KSR2: variants seen among roughly 807,000 people sequenced by gnomAD.
KSR2 encodes the protein kinase suppressor of ras 2.
In KSR2, 25 loss-of-function variants were observed where a neutral mutation model predicts 107.8. The observed-to-expected ratio is 0.23, with a 90% CI of 0.17 to 0.32. KSR2 has a LOEUF of 0.32. Among genes scored for constraint, KSR2 ranks in the 10% least tolerant of loss-of-function variants. KSR2 has a pLI of 1.00. For missense variants in KSR2, 887 were observed against 1,268.9 expected (o/e 0.70, Z 4.57); for synonymous variants, 480 against 507.0 (o/e 0.95, Z 0.71).
intron 4 of KSR2, among the ~76,000 whole-genome samples, chr12:117,724,272 C>T (rs569173931): frequency 2.0e-5 from 3 of 146,686 alleles, no homozygotes; most frequent in African/African-American, 7.6e-5. Context: ...CGTGCCATTG[C>T]ACTCCAGCCT....
At chr12:117,480,771 C>G (rs565624562) in intron 16 of KSR2, among the ~76,000 whole-genome samples, 1 of 152,186 alleles carries the variant, frequency 6.6e-6, no homozygotes, top group Non-Finnish European at 1.5e-5. Context: ...GATAAGGAAA[C>G]GGAGGCTCAA....
chr12:117,700,725 T>C (rs1331635843), intron 4 of KSR2, among the ~76,000 whole-genome samples: 5 of 152,230 alleles, frequency 3.3e-5, no homozygotes, highest in Non-Finnish European at 4.4e-5. Context: ...AAGAAAGCCA[T>C]GTAATGAGGA....
At chr12:117,872,752 G>A (rs1049677977) in intron 1 of KSR2, among the ~76,000 whole-genome samples, 4 of 152,148 alleles carry the variant, frequency 2.6e-5, no homozygotes, top group African/African-American at 7.2e-5. Flanking sequence ...CAGTCAAGCC[G>A]AAGGATCTGG....
At chr12:117,488,033 T>G (rs1018800549) in intron 14 of KSR2, among the ~76,000 whole-genome samples, 2 of 152,172 alleles carry the variant, frequency 1.3e-5, no homozygotes, top group African/African-American at 4.8e-5. Context: ...GTTTCCCCCA[T>G]ACTGTTCTCC....
intron 7 of KSR2, among the ~76,000 whole-genome samples, chr12:117,559,815 T>C (rs1041424212): frequency 6.6e-6 from 1 of 152,182 alleles, no homozygotes; most frequent in Non-Finnish European, 1.5e-5. Flanking sequence ...TTTATGTCAA[T>C]AGGATAGATA....
chr12:117,916,135 C>CTT (rs34082573), intron 1 of KSR2, among the ~76,000 whole-genome samples: 50 of 105,424 alleles, frequency 4.7e-4, no homozygotes, highest in South Asian at 7.3e-4. Flanking sequence ...ATTTCTTCTT[C>CTT]TTTTTTTTTT....
At chr12:117,486,850 G>A (rs370978446) in intron 14 of KSR2, among the ~76,000 whole-genome samples, 34 of 152,290 alleles carry the variant, frequency 2.2e-4, no homozygotes, top group African/African-American at 7.5e-4. Context: ...AGTTGAATAC[G>A]AGGATTGAAT....
At chr12:117,582,436 A>G in intron 5 of KSR2, 77 bp from the exon 6 acceptor site, 2 of 1,091,156 alleles carry the variant, frequency 1.8e-6, no homozygotes, top group Non-Finnish European at 2.8e-6. Flanking sequence ...TGGAAGGAAA[A>G]GGGGGGCTCG....
At chr12:117,726,529 C>A (rs183655602) in intron 4 of KSR2, among the ~76,000 whole-genome samples, 1 of 152,348 alleles carries the variant, frequency 6.6e-6, no homozygotes, top group Admixed American at 6.5e-5. Context: ...TTATCAGCAT[C>A]CTTGGTCTCT....
intron 3 of KSR2, among the ~76,000 whole-genome samples, chr12:117,833,888 G>C (rs537212486): frequency 6.6e-6 from 1 of 152,140 alleles, no homozygotes; most frequent in Non-Finnish European, 1.5e-5. Flanking sequence ...GGGCACTTTG[G>C]GAGGCCGAGG....
intron 13 of KSR2, 92 bp from the exon 14 acceptor site, chr12:117,525,311 T>G: frequency 7.4e-7 from 1 of 1,345,740 alleles, no homozygotes; most frequent in South Asian, 1.5e-5. Context: ...CATGCGTAGG[T>G]CTGGGCACAT....
At chr12:117,799,696 C>G (rs1890761111) in intron 3 of KSR2, among the ~76,000 whole-genome samples, 1 of 152,070 alleles carries the variant, frequency 6.6e-6, no homozygotes, top group African/African-American at 2.4e-5. Context: ...AGCTGAGTGA[C>G]CTTGGGCAAC....
chr12:117,708,353 C>T (rs1886611617), intron 4 of KSR2, among the ~76,000 whole-genome samples: 1 of 152,062 alleles, frequency 6.6e-6, no homozygotes, highest in Non-Finnish European at 1.5e-5. Flanking sequence ...CTTCTGAGAA[C>T]CAGGAGGTAG....
intron 17 of KSR2, among the ~76,000 whole-genome samples, chr12:117,475,471 T>G (rs1259474793): frequency 6.6e-6 from 1 of 152,186 alleles, no homozygotes; most frequent in African/African-American, 2.4e-5. Context: ...CTGGAACACC[T>G]CACCCTGCCC....
intron 3 of KSR2, among the ~76,000 whole-genome samples, chr12:117,827,957 C>G (rs1007237539): frequency 8.5e-5 from 13 of 152,206 alleles, no homozygotes; most frequent in African/African-American, 3.1e-4. Flanking sequence ...CACAATTCAG[C>G]TTTTTAAATC....
intron 10 of KSR2, among the ~76,000 whole-genome samples, chr12:117,533,943 G>A (rs1463590131): frequency 9.9e-5 from 15 of 152,188 alleles, no homozygotes; most frequent in Admixed American, 9.8e-4. Flanking sequence ...AGAAGAGGAA[G>A]AAAGACATTG....
At chr12:117,756,584 A>G (rs1888799053) in intron 4 of KSR2, among the ~76,000 whole-genome samples, 1 of 152,238 alleles carries the variant, frequency 6.6e-6, no homozygotes, top group Admixed American at 6.5e-5. Context: ...AAAACCTCTG[A>G]TGAAGATGTA....
intron 4 of KSR2, among the ~76,000 whole-genome samples, chr12:117,696,294 A>C (rs988637153): frequency 6.6e-6 from 1 of 152,206 alleles, no homozygotes; most frequent in African/African-American, 2.4e-5. Context: ...TAAGAAAAGC[A>C]GTGGACGGTG....
intron 3 of KSR2, among the ~76,000 whole-genome samples, chr12:117,784,591 T>C (rs532901648): frequency 2.6e-5 from 4 of 152,332 alleles, no homozygotes. Context: ...GTCCCCAGTG[T>C]CTGCTATTTG....
Sources: allele counts gnomAD v4.1 joint callset (sites outside exome capture counted in the v4.1 genomes callset), GRCh38; gene constraint gnomAD v4.1.1; transcripts MANE v1.5; gene names NCBI Gene and HGNC (gene_info 2026-07-23, HGNC 2026-07-21).